CSF1: variants seen among roughly 807,000 people sequenced by gnomAD.
CSF1 encodes the protein colony stimulating factor 1, also known as macrophage colony-stimulating factor 1.
In CSF1, 9 loss-of-function variants were observed where a neutral mutation model predicts 48.9. That is an observed-to-expected ratio of 0.18 (90% CI 0.11 to 0.32). The LOEUF is 0.32. CSF1 is among the 10% of genes least tolerant of loss of function. The pLI, the probability that CSF1 is intolerant of heterozygous loss-of-function variation, is 1.00. For synonymous variants in CSF1, 305 were observed against 284.1 expected, an observed-to-expected ratio of 1.07 and a Z score of -0.74; for missense variants, 672 against 697.9, an observed-to-expected ratio of 0.96 and a Z score of 0.42.
intron 6 of CSF1, among the ~76,000 whole-genome samples, chr1:109,924,561 A>G (rs1647751232): frequency 6.6e-6 from 1 of 152,126 alleles, no homozygotes; most frequent in African/African-American, 2.4e-5. Context: ...CCCATAGGGA[A>G]CAGCCTGCAA....
chr1:109,915,262 G>A (rs1654848454), intron 2 of CSF1, among the ~76,000 whole-genome samples: 1 of 152,212 alleles, frequency 6.6e-6, no homozygotes, highest in Non-Finnish European at 1.5e-5. Flanking sequence ...ACCCCTACAG[G>A]TGTTCAATCC....
At chr1:109,920,949 A>C (rs1189372820) in intron 4 of CSF1, among the ~76,000 whole-genome samples, 1 of 152,128 alleles carries the variant, frequency 6.6e-6, no homozygotes, top group Non-Finnish European at 1.5e-5. Flanking sequence ...AGCTTCTCAG[A>C]GCTCCAGTGG....
Position 109,910,904 on chromosome 1 carries a change from G to A in CSF1, c.-120G>A. On this transcript the variant is annotated 5_prime_UTR_variant, in exon 1 of 9. Coordinates refer to ENST00000329608, the MANE Select transcript of CSF1 (RefSeq NM_000757.6). ...CCTGGGTCCTCTCGGCGCCAGAGCC[G>A]CTCTCCGCATCCCAGGACAGCGGTG... 4.1e-6 allele frequency: 3 copies of A among 725,888 alleles called. No individual in the cohort carries two copies. Among genetic ancestry groups the A allele is most frequent in the Non-Finnish European group, 3.5e-6 (2 of 566,482 alleles). The allele number at this position is 725,888 out of a possible 1,614,324, so 45.0% of individuals were successfully genotyped here.
intron 4 of CSF1, among the ~76,000 whole-genome samples, chr1:109,919,769 C>T (rs1002985880): frequency 6.6e-6 from 1 of 150,718 alleles, no homozygotes; most frequent in Non-Finnish European, 1.5e-5. Flanking sequence ...GACCAGCCTG[C>T]CCAACAGGGC....
intron 2 of CSF1, 77 bp downstream of exon 2, chr1:109,914,458 G>C: frequency 6.7e-7 from 1 of 1,487,396 alleles, no homozygotes; most frequent in South Asian, 1.5e-5. Context: ...GCAGGTCAAA[G>C]AGAGCAGTTG....
At chr1:109,911,236 C>G (rs1198444794) in intron 1 of CSF1, among the ~76,000 whole-genome samples, 174 bp downstream of exon 1, 3 of 152,070 alleles carry the variant, frequency 2.0e-5, no homozygotes, top group African/African-American at 7.2e-5. Context: ...GGCGCCAGGG[C>G]GGAGGCCGGT....
At chr1:109,916,985 G>T (rs1212800067) in intron 3 of CSF1, among the ~76,000 whole-genome samples, 1 of 152,134 alleles carries the variant, frequency 6.6e-6, no homozygotes, top group Non-Finnish European at 1.5e-5. Flanking sequence ...AAAGGCAGGG[G>T]AAGGTTCCCT....
chr1:109,914,696 C>G (rs1220172028), intron 2 of CSF1, among the ~76,000 whole-genome samples: 1 of 152,266 alleles, frequency 6.6e-6, no homozygotes, highest in Non-Finnish European at 1.5e-5. Flanking sequence ...CTGAGGTCTG[C>G]TGTCCCTCAG....
chr1:109,915,766 G>A, intron 3 of CSF1, 70 bp downstream of exon 3: 8 of 1,311,312 alleles, frequency 6.1e-6, no homozygotes, highest in Non-Finnish European at 1.1e-6. Flanking sequence ...GTGTGTGGGG[G>A]AGCATGAAAG....
At chr1:109,919,534 A>G (rs1647419397) in intron 4 of CSF1, among the ~76,000 whole-genome samples, 2 of 152,312 alleles carry the variant, frequency 1.3e-5, no homozygotes, top group East Asian at 1.9e-4. Context: ...TGGCCAGGAA[A>G]ACATTTTTAA....
rs907801847 is a variant in CSF1 at position 109,924,967 on chromosome 1, C to T, written c.1622+139C>T. ...ACAGGATGGGGGAGAGAAGAAGGGC[C>T]TCTGTCCTTTCCCAGATATCTGGGC... is the stretch of plus-strand genomic sequence containing the variant. On this transcript the variant is annotated intron_variant, in intron 7 of 8. Transcript: ENST00000329608. 13 of 1,044,224 alleles carry T rather than the reference C, an allele frequency of 1.2e-5. No individual in the cohort carries two copies. In the African/African-American group the frequency reaches 1.8e-4, roughly 14 times the overall value. 64.7% of individuals were successfully genotyped at this position (1,044,224 alleles called of 1,614,324 possible).
chr1:109,919,372 G>A (rs1055368490), intron 4 of CSF1, among the ~76,000 whole-genome samples: 2 of 152,110 alleles, frequency 1.3e-5, no homozygotes, highest in African/African-American at 4.8e-5. Flanking sequence ...TGAGTAGCTG[G>A]GACAACAGGC....
intron 4 of CSF1, among the ~76,000 whole-genome samples, chr1:109,919,331 A>G (rs555579600): frequency 6.6e-6 from 1 of 152,332 alleles, no homozygotes; most frequent in African/African-American, 2.4e-5. Context: ...CCAACCTCCC[A>G]GGCTCAATTG....
Position 109,923,826 on chromosome 1 carries a change from C to G in CSF1, c.1205C>G (p.Ser402Cys), listed in dbSNP as rs773325812. ...ALLRDPPEPGSPRISSLRPQG... is the reference protein window; with the variant it reads ...ALLRDPPEPGCPRISSLRPQG... ...CTCAGAGACCCCCCGGAGCCAGGCT[C>G]TCCCAGGATCTCATCACTGCGCCCC... is the stretch of plus-strand genomic sequence containing the variant. The change falls in exon 6 of 9, where the codon TCT (serine) becomes TGT (cysteine). Residue 402 changes from serine (S) to cysteine (C), a missense_variant. By Grantham distance (112) the Ser-to-Cys change is moderately radical. Coordinates refer to ENST00000329608, the MANE Select transcript of CSF1 (RefSeq NM_000757.6). The G allele has an allele frequency of 3.7e-6, 6 of 1,612,872 alleles. No individual in the cohort carries two copies. Among genetic ancestry groups the G allele is most frequent in the Admixed American group, 3.3e-5 (2 of 59,772 alleles).
chr1:109,911,098 C>T, intron 1 of CSF1, 36 bp downstream of exon 1: 1 of 1,023,300 alleles, frequency 9.8e-7, no homozygotes, highest in African/African-American at 1.7e-5. Context: ...CCGGGACGGG[C>T]TGGGGCGGGG....
chr1:109,924,974 CT>C, intron 7 of CSF1, 146 bp downstream of exon 7: 1 of 1,056,598 alleles, frequency 9.5e-7, no homozygotes, highest in Non-Finnish European at 1.4e-6. Flanking sequence ...GGCCTCTGTC[CT>C]TTCCCAGATA....
chr1:109,923,316 G>T lies in CSF1; in HGVS notation c.695G>T (p.Ser232Ile). The T allele has an allele frequency of 6.2e-7, 1 of 1,612,622 alleles. No individual in the cohort carries two copies. Among genetic ancestry groups the T allele is most frequent in the South Asian group, 1.1e-5 (1 of 90,856 alleles). Residue 232 changes from serine to isoleucine, a missense_variant, in exon 6 of 9, where the codon AGC becomes ATC. Ser to Ile is a moderately radical substitution (Grantham distance 142). Transcript: ENST00000329608. Reference protein sequence around the residue: ...TWEDSEGTEGSSLLPGEQPLH... With the variant: ...TWEDSEGTEGISLLPGEQPLH... ...GAGGACTCTGAGGGAACTGAGGGCAGCTCCCTCTTGCCTGGTGAGCAGCCC... is the reference window on the plus strand; with the variant it reads ...GAGGACTCTGAGGGAACTGAGGGCATCTCCCTCTTGCCTGGTGAGCAGCCC...
chr1:109,926,713 T>C (rs1647858998), intron 8 of CSF1: 1 of 152,210 alleles, frequency 6.6e-6, no homozygotes, highest in African/African-American at 2.4e-5. Flanking sequence ...TGCTCTTTTG[T>C]ATTTGGCTAA....
At chr1:109,924,662 G>A in intron 6 of CSF1, 114 bp from the exon 7 acceptor site, 2 of 921,978 alleles carry the variant, frequency 2.2e-6, no homozygotes, top group East Asian at 5.3e-5. Flanking sequence ...TTGGGAAGTT[G>A]GGAGGACTCT....
Sources: gnomAD v4.1 joint callset for allele counts (sites outside exome capture counted in the v4.1 genomes callset) on GRCh38, gnomAD v4.1.1 for gene constraint, MANE v1.5 for transcripts, NCBI Gene and HGNC (gene_info 2026-07-23, HGNC 2026-07-21) for gene names.